PTPRN2: variants seen among roughly 807,000 people sequenced by gnomAD.
The protein encoded by PTPRN2 is protein tyrosine phosphatase receptor type N2.
In PTPRN2, 74 loss-of-function variants were observed where a neutral mutation model predicts 118.8. The observed-to-expected ratio is 0.62, with a 90% CI of 0.52 to 0.76. The LOEUF is 0.76. Among genes scored for constraint, PTPRN2 ranks in the 30% least tolerant of loss-of-function variants. The probability of loss-of-function intolerance (pLI) is 0.00; values close to 1 mark genes in which losing one functional copy is unlikely to be tolerated. For missense variants in PTPRN2, 1,481 were observed against 1,394.4 expected, an observed-to-expected ratio of 1.06 and a Z score of -0.99; for synonymous variants, 641 against 608.0, an observed-to-expected ratio of 1.05 and a Z score of -0.80.
intron 10 of PTPRN2, among the ~76,000 whole-genome samples, chr7:158,108,954 A>T (rs1815937407): frequency 1.3e-5 from 2 of 152,226 alleles, no homozygotes; most frequent in Admixed American, 1.3e-4. Context: ...CCCTGTGTGA[A>T]GGAGCCAGTG....
intron 1 of PTPRN2, among the ~76,000 whole-genome samples, chr7:158,575,214 A>G (rs1828258669): frequency 6.6e-6 from 1 of 152,214 alleles, no homozygotes; most frequent in Non-Finnish European, 1.5e-5. Flanking sequence ...ATCACCTGTA[A>G]CAATCTGGGA....
chr7:157,669,472 A>G, intron 13 of PTPRN2: 2 of 464,164 alleles, frequency 4.3e-6, no homozygotes, highest in South Asian at 3.1e-5. Context: ...AGCAGCGCCC[A>G]AGCCAGGGCC....
chr7:158,386,280 G>A (rs2151360802), intron 2 of PTPRN2, among the ~76,000 whole-genome samples: 2 of 119,118 alleles, frequency 1.7e-5, no homozygotes, highest in Non-Finnish European at 3.4e-5. Context: ...CTCCTCCCGT[G>A]CCCCAAGTCC....
intron 2 of PTPRN2, among the ~76,000 whole-genome samples, chr7:158,479,912 C>T (rs1255611671): frequency 2.6e-5 from 4 of 152,230 alleles, no homozygotes; most frequent in South Asian, 2.1e-4. Flanking sequence ...CTCTGGAGAT[C>T]GACTGCTGTT....
chr7:157,779,654 A>G lies in PTPRN2; in HGVS notation c.1789-96717T>C, dbSNP rs546075064. 1.3e-5 allele frequency among the ~76,000 whole-genome samples: 2 copies of G among 152,276 alleles called. No individual in the cohort carries two copies. Among genetic ancestry groups the G allele is most frequent in the Admixed American group, 1.3e-4 (2 of 15,314 alleles). On this transcript the variant is annotated intron_variant, in intron 12 of 22. Transcript: ENST00000389418. This position sits in a 1 kb window ranked among gnomAD's most constrained non-coding sequence, Gnocchi z 4.7. ...TCTCCGAAGCACAAAGGCTGACCCTAGACTCTGGCCAGGACGAGCTGGGGT... is the reference window on the plus strand; with the variant it reads ...TCTCCGAAGCACAAAGGCTGACCCTGGACTCTGGCCAGGACGAGCTGGGGT...
At chr7:158,239,585 C>G (rs1795784419) in intron 3 of PTPRN2, among the ~76,000 whole-genome samples, 1 of 152,204 alleles carries the variant, frequency 6.6e-6, no homozygotes, top group Non-Finnish European at 1.5e-5. Context: ...GCGGCCCCTG[C>G]CACTGCACTC....
intron 1 of PTPRN2, among the ~76,000 whole-genome samples, chr7:158,514,041 C>T (rs1823362696): frequency 6.6e-6 from 1 of 152,186 alleles, no homozygotes; most frequent in African/African-American, 2.4e-5. Flanking sequence ...AGCTCTAAAG[C>T]ACCCAGCACT....
At chr7:157,713,828 C>T (rs2159471) in intron 12 of PTPRN2, among the ~76,000 whole-genome samples, 1 of 151,986 alleles carries the variant, frequency 6.6e-6, no homozygotes, top group African/African-American at 2.4e-5. Context: ...CTGGTGAGAG[C>T]CCCACGAAGC....
At chr7:158,376,082 C>T (rs889570197) in intron 2 of PTPRN2, among the ~76,000 whole-genome samples, 12 of 152,200 alleles carry the variant, frequency 7.9e-5, no homozygotes, top group African/African-American at 1.9e-4. Flanking sequence ...ACACCCACCG[C>T]GGCTTTGGGA....
intron 1 of PTPRN2, among the ~76,000 whole-genome samples, chr7:158,560,681 G>C (rs561604446): frequency 7.9e-5 from 12 of 152,354 alleles, no homozygotes; most frequent in Admixed American, 2.0e-4. Context: ...CCATGAGCAG[G>C]GGCACATGGG....
At chr7:157,823,284 T>C (rs1317422156) in intron 12 of PTPRN2, among the ~76,000 whole-genome samples, 1 of 152,220 alleles carries the variant, frequency 6.6e-6, no homozygotes, top group Admixed American at 6.5e-5. Context: ...AAATAACAAA[T>C]TATTAGAATA....
At chr7:158,141,490 A>G (rs1819384928) in intron 6 of PTPRN2, among the ~76,000 whole-genome samples, 1 of 152,206 alleles carries the variant, frequency 6.6e-6, no homozygotes, top group East Asian at 1.9e-4. Flanking sequence ...CTAGACTCGC[A>G]TGACTTTCCA....
chr7:158,260,696 T>C (rs994028244), intron 3 of PTPRN2, among the ~76,000 whole-genome samples: 32 of 152,058 alleles, frequency 2.1e-4, no homozygotes, highest in African/African-American at 7.5e-4. Flanking sequence ...CCACTAGCGC[T>C]CCGTGGGGCT....
rs115817309 is a variant in PTPRN2, at chr7:157,813,208, C to T, written c.1788+85465G>A. On this transcript the variant is annotated intron_variant, in intron 12 of 22. Transcript: ENST00000389418. This position sits in a 1 kb window ranked among gnomAD's most constrained non-coding sequence, Gnocchi z 4.7. The stretch of plus-strand genomic sequence containing the variant: ...GACCGTAGAGAAGGCAGTGACAGGG[C>T]CAGGGCAAGCCGGTTGGAGAAGTGG... Among the ~76,000 whole-genome samples, 1,635 of 152,276 alleles carry T rather than the reference C, an allele frequency of 0.011. 37 individuals carry two copies. Among genetic ancestry groups the T allele is most frequent in the African/African-American group, 0.035 (1,465 of 41,516 alleles).
intron 1 of PTPRN2, among the ~76,000 whole-genome samples, chr7:158,493,999 C>G (rs1463739020): frequency 6.6e-6 from 1 of 152,254 alleles, no homozygotes; most frequent in Non-Finnish European, 1.5e-5. Flanking sequence ...TAAGCAGTAT[C>G]TTGTCACCAT....
At chr7:158,269,425 T>G (rs1798145463) in intron 3 of PTPRN2, among the ~76,000 whole-genome samples, 1 of 152,254 alleles carries the variant, frequency 6.6e-6, no homozygotes, top group South Asian at 2.1e-4. Flanking sequence ...GCTGCCATCC[T>G]GTGCCCAGTC....
intron 11 of PTPRN2, among the ~76,000 whole-genome samples, chr7:157,901,003 A>G (rs1797404154): frequency 6.6e-6 from 1 of 152,240 alleles, no homozygotes; most frequent in Admixed American, 6.5e-5. Context: ...CTGCACAAGA[A>G]GCATGGCACA....
intron 11 of PTPRN2, among the ~76,000 whole-genome samples, chr7:158,068,169 A>G (rs148998366): frequency 0.039 from 5,955 of 152,308 alleles, 210 homozygotes; most frequent in Non-Finnish European, 0.052. Flanking sequence ...GACTGAGCAG[A>G]GCAGGCCAGA....
At chr7:157,838,092 C>T (rs1010523520) in intron 12 of PTPRN2, among the ~76,000 whole-genome samples, 3 of 149,646 alleles carry the variant, frequency 2.0e-5, no homozygotes, top group Admixed American at 1.3e-4. Flanking sequence ...CGGGAGAAAG[C>T]TCCTCTCCAC....
Sources: allele counts gnomAD v4.1 joint callset (sites outside exome capture counted in the v4.1 genomes callset), GRCh38; gene constraint gnomAD v4.1.1; non-coding constraint Gnocchi (gnomAD v3.1); transcripts MANE v1.5; gene names NCBI Gene and HGNC (gene_info 2026-07-23, HGNC 2026-07-21).